Variants in FOXD4L1 observed in about 807,000 individuals in gnomAD.
FOXD4L1 encodes forkhead box protein D4-like 1.
FOXD4L1 carries 10 observed loss-of-function variants against 24.8 expected under a neutral mutation model. The ratio of observed to expected loss-of-function variants is 0.40; its 90% CI spans 0.25 to 0.68. FOXD4L1 has a LOEUF of 0.68. FOXD4L1 is among the 30% of genes least tolerant of loss of function. The pLI is 0.37. For missense variants in FOXD4L1, 364 were observed against 572.4 expected (o/e 0.64, Z 3.72); for synonymous variants, 159 against 256.4 (o/e 0.62, Z 3.63).
chr2:113,500,293 C>T (rs145308512), exon 1 of FOXD4L1: 1 of 1,538,872 alleles, frequency 6.5e-7, no homozygotes, highest in Non-Finnish European at 8.8e-7. Context: ...AGTTTGTCCC[C>T]GACCGCGTGG....
exon 1 of FOXD4L1, chr2:113,500,582 C>G: frequency 6.7e-7 from 1 of 1,482,586 alleles, no homozygotes; most frequent in Non-Finnish European, 9.0e-7. Context: ...GCAGGGCCCT[C>G]CTAGAGCCAG....
At chr2:113,499,196 G>A (rs1046615428) in exon 1 of FOXD4L1, 23 of 1,611,632 alleles carry the variant, frequency 1.4e-5, no homozygotes, top group Non-Finnish European at 1.9e-5. Context: ...TTCCAGCTCA[G>A]CCCGCCCCGG....
chr2:113,500,144 C>A (rs779346505), exon 1 of FOXD4L1: 1 of 1,518,348 alleles, frequency 6.6e-7, no homozygotes, highest in South Asian at 1.2e-5. Flanking sequence ...GCACCCTTCC[C>A]GTGCTGCAGC....
chr2:113,498,904 G>T (rs1296774354), exon 1 of FOXD4L1: 2 of 480,986 alleles, frequency 4.2e-6, no homozygotes, highest in Admixed American at 3.7e-5. Flanking sequence ...TTCCTTGGTG[G>T]CAGGTGGGTG....
chr2:113,500,440 G>A (rs765008006), exon 1 of FOXD4L1: 2 of 1,518,498 alleles, frequency 1.3e-6, no homozygotes, highest in Non-Finnish European at 1.8e-6. Flanking sequence ...CCTGTCGGCC[G>A]CGTCGGCGCT....
chr2:113,499,367 C>A (rs760964046), exon 1 of FOXD4L1: 2 of 1,610,002 alleles, frequency 1.2e-6, no homozygotes, highest in Non-Finnish European at 1.7e-6. Flanking sequence ...AAGATGAAGA[C>A]GAGGTGGAAG....
rs540285518 is a variant in FOXD4L1 at position 113,500,008 on chromosome 2, A to T, written c.752A>T (p.Asn251Ile). The change falls in exon 1 of 1, where the codon AAC (asparagine) becomes ATC (isoleucine). Residue 251 changes from asparagine to isoleucine, a missense_variant. Coordinates refer to ENST00000306507, the Ensembl canonical transcript of FOXD4L1. ...CAGCCAGTCCCGGGGGCCTACCCCAACACCGCCCCCGGGAGACGCCCTTAC... is the reference window on the plus strand; with the variant it reads ...CAGCCAGTCCCGGGGGCCTACCCCATCACCGCCCCCGGGAGACGCCCTTAC... 6.0e-4 allele frequency: 954 copies of T among 1,583,640 alleles called. 61 individuals carry two copies. Among genetic ancestry groups the T allele is most frequent in the Non-Finnish European group, 7.3e-5 (86 of 1,174,978 alleles).
chr2:113,499,243 G>A (rs771377681), exon 1 of FOXD4L1: 19 of 1,611,572 alleles, frequency 1.2e-5, no homozygotes, highest in Non-Finnish European at 1.4e-5. Context: ...TGCGACTGAA[G>A]CACCTGCTCC....
At chr2:113,499,312 A>G in exon 1 of FOXD4L1, 1 of 1,609,452 alleles carries the variant, frequency 6.2e-7, no homozygotes, top group African/African-American at 1.3e-5. Context: ...AGCCTCCGGG[A>G]CTCCGATGGG....
Position 113,500,411 on chromosome 2 carries a change from G to A in FOXD4L1, c.1155G>A (p.Gly385=). 13 of 1,519,264 alleles carry A rather than the reference G, an allele frequency of 8.6e-6. 4 individuals carry two copies. The highest frequency in any genetic ancestry group is 1.2e-5 in the Non-Finnish European group (13 of 1,126,242). 94.1% of individuals were successfully genotyped at this position (1,519,264 alleles called of 1,614,324 possible). A position where few individuals can be genotyped will look rare whatever the true frequency, so the allele number is the denominator to read the frequency against. Residue 385 remains glycine, a synonymous_variant, in exon 1 of 1, where the codon GGG becomes GGA. Coordinates refer to ENST00000306507, the Ensembl canonical transcript of FOXD4L1. ...GCCAACGGCTGCGCTCCCACCAAGG[G>A]CGCGGTGCTGGGCGGGCACCTGTCG...
chr2:113,499,877 A>G, exon 1 of FOXD4L1: 1 of 1,585,406 alleles, frequency 6.3e-7, no homozygotes, highest in South Asian at 1.1e-5. Context: ...AGCGCCACCA[A>G]CTGACCCCGG....
chr2:113,499,733 C>A (rs1682403735), exon 1 of FOXD4L1: 2 of 1,606,110 alleles, frequency 1.2e-6, no homozygotes, highest in Non-Finnish European at 8.5e-7. Context: ...GCCACAACCT[C>A]TCGCTGAACG....
At chr2:113,499,177 A>T (rs1682388822) in exon 1 of FOXD4L1, 4 of 1,610,924 alleles carry the variant, frequency 2.5e-6, no homozygotes, top group Non-Finnish European at 3.4e-6. Flanking sequence ...TGCAACATTC[A>T]TCCCAGGCTT....
chr2:113,499,407 C>T, exon 1 of FOXD4L1: 1 of 1,606,760 alleles, frequency 6.2e-7, no homozygotes, highest in Non-Finnish European at 8.5e-7. Context: ...CCAGAAGTTC[C>T]TAGAGCAGTC....
chr2:113,500,413 G>A (rs1246120982), exon 1 of FOXD4L1: 2 of 1,519,018 alleles, frequency 1.3e-6, no homozygotes, highest in Non-Finnish European at 1.8e-6. Flanking sequence ...CACCAAGGGC[G>A]CGGTGCTGGG....
chr2:113,499,245 A>G (rs1573815141), exon 1 of FOXD4L1: 1 of 1,611,594 alleles, frequency 6.2e-7, no homozygotes, highest in Non-Finnish European at 8.5e-7. Flanking sequence ...CGACTGAAGC[A>G]CCTGCTCCGC....
In FOXD4L1 at chr2:113,499,437, G is replaced by A; in HGVS notation, c.181G>A (p.Val61Met). ...GCAGTCGCTCCAGCCGGGGCTGCAG[G>A]TGGCCCGGTGGGGCGGGGTTGCGCT... is the stretch of plus-strand genomic sequence containing the variant. Residue 61 changes from valine to methionine, a missense_variant, in exon 1 of 1, where the codon GTG becomes ATG. Transcript: ENST00000306507. The A allele has an allele frequency of 1.9e-6, 3 of 1,596,588 alleles. 1 individual carries two copies. Among genetic ancestry groups the A allele is most frequent in the South Asian group, 2.2e-5 (2 of 90,042 alleles).
chr2:113,499,426 C>G (rs1360380731), exon 1 of FOXD4L1: 2 of 1,604,542 alleles, frequency 1.2e-6, no homozygotes, highest in Non-Finnish European at 1.7e-6. Context: ...TCGCTCCAGC[C>G]GGGGCTGCAG....
exon 1 of FOXD4L1, chr2:113,500,190 G>A: frequency 1.9e-6 from 3 of 1,552,234 alleles, no homozygotes; most frequent in Admixed American, 3.7e-5. Context: ...GGAGGGCAAG[G>A]GTCTGGCGTC....
Sources: allele counts gnomAD v4.1 joint callset, GRCh38; gene constraint gnomAD v4.1.1; transcripts MANE v1.5; gene names NCBI Gene and HGNC (gene_info 2026-07-23, HGNC 2026-07-21).